KLRG1: variants seen among roughly 807,000 people sequenced by gnomAD.
The protein encoded by KLRG1 is killer cell lectin like receptor G1, also known as killer cell lectin-like receptor subfamily G member 1.
KLRG1 carries 16 observed loss-of-function variants against 21.8 expected under a neutral mutation model. That is an observed-to-expected ratio of 0.73 (90% CI 0.50 to 1.11). The LOEUF (loss-of-function observed/expected upper bound fraction) is 1.11, where lower values mean the gene tolerates loss of function less well. Ranked by LOEUF, KLRG1 falls within the 50% of genes most tolerant of loss-of-function variation. The pLI, the probability that KLRG1 is intolerant of heterozygous loss-of-function variation, is 0.00. For synonymous variants in KLRG1, 69 were observed against 75.9 expected, an observed-to-expected ratio of 0.91 and a Z score of 0.47; for missense variants, 173 against 218.3, an observed-to-expected ratio of 0.79 and a Z score of 1.31.
chr12:9,089,137 A>G, the KLRG1 span: 3 of 1,246,112 alleles, frequency 2.4e-6, no homozygotes, highest in Non-Finnish European at 3.4e-6. Context: ...TAATATATAA[A>G]TGTTCTTTGA....
chr12:9,080,095 C>T, the KLRG1 span: 1 of 1,580,762 alleles, frequency 6.3e-7, no homozygotes, highest in African/African-American at 1.3e-5. Flanking sequence ...GAGACTCACC[C>T]AAAACTGAGA....
At chr12:8,986,772 G>C (rs1946848036), upstream of KLRG1, among the ~76,000 whole-genome samples, 1 of 152,150 alleles carries the variant, frequency 6.6e-6, no homozygotes, top group East Asian at 1.9e-4. Flanking sequence ...TCCAGTGTTG[G>C]AGATGGGGCC....
chr12:9,201,462 A>C, the KLRG1 span: 2 of 779,582 alleles, frequency 2.6e-6, no homozygotes, highest in African/African-American at 1.7e-5. Context: ...TAAATTCAAC[A>C]AGAAACATAA....
the KLRG1 span, among the ~76,000 whole-genome samples, chr12:9,031,692 G>A: frequency 6.6e-6 from 1 of 152,210 alleles, no homozygotes; most frequent in African/African-American, 2.4e-5. Flanking sequence ...GCACAGCTTA[G>A]TTTTATATAT....
the KLRG1 span, chr12:9,154,962 A>G: frequency 2.0e-6 from 2 of 1,024,070 alleles, no homozygotes; most frequent in East Asian, 2.6e-5. Flanking sequence ...AAGGTCTTCT[A>G]TGTCATAAAC....
At chr12:9,096,339 T>C in the KLRG1 span, among the ~76,000 whole-genome samples, 1 of 152,242 alleles carries the variant, frequency 6.6e-6, no homozygotes, top group Non-Finnish European at 1.5e-5. Flanking sequence ...AATCGAGGTC[T>C]GCTGTATTTG....
At chr12:9,188,879 GAC>G in the KLRG1 span, among the ~76,000 whole-genome samples, 2 of 152,090 alleles carry the variant, frequency 1.3e-5, no homozygotes, top group African/African-American at 2.4e-5. Flanking sequence ...AATCAGAGAT[GAC>G]ACAAACAAAT....
At chr12:9,135,179 G>T in the KLRG1 span, 1 of 228,972 alleles carries the variant, frequency 4.4e-6, no homozygotes. Context: ...AACAGCTGCA[G>T]ACCTTCAGCC....
chr12:8,983,108 C>T (rs2137296318), intron 1 of KLRG1, among the ~76,000 whole-genome samples: 1 of 151,594 alleles, frequency 6.6e-6, no homozygotes, highest in South Asian at 2.1e-4. Flanking sequence ...GTTTTACTTT[C>T]TGTTTTTTTT....
At chr12:9,060,033 T>C in the KLRG1 span, among the ~76,000 whole-genome samples, 3 of 129,200 alleles carry the variant, frequency 2.3e-5, no homozygotes, top group African/African-American at 3.1e-5. Context: ...GAGATGGAGT[T>C]TCGCTCTGTC....
the KLRG1 span, among the ~76,000 whole-genome samples, chr12:9,026,514 T>C: frequency 1.3e-5 from 2 of 152,216 alleles, no homozygotes; most frequent in Admixed American, 6.5e-5. Context: ...ATTATTATTA[T>C]TACTATTTTT....
the KLRG1 span, chr12:9,157,837 C>T: frequency 4.3e-6 from 7 of 1,613,076 alleles, no homozygotes; most frequent in Non-Finnish European, 5.9e-6. Context: ...ATCTTCTACA[C>T]CTCCCTGTGA....
the KLRG1 span, chr12:9,149,571 G>A: frequency 3.1e-6 from 5 of 1,612,738 alleles, no homozygotes; most frequent in African/African-American, 5.3e-5. Context: ...CTGTGCTGCA[G>A]GGGGCGATAT....
the KLRG1 span, among the ~76,000 whole-genome samples, chr12:9,138,396 G>A: frequency 6.6e-6 from 1 of 151,742 alleles, no homozygotes; most frequent in South Asian, 2.1e-4. Flanking sequence ...TGTGCTGTTG[G>A]ATTCTATTTC....
the KLRG1 span, among the ~76,000 whole-genome samples, chr12:9,132,247 T>G: frequency 1.3e-5 from 2 of 152,246 alleles, no homozygotes; most frequent in Non-Finnish European, 2.9e-5. Context: ...CTATGGACTT[T>G]CCTATTTGTT....
chr12:9,007,118 G>A (rs887230338), intron 3 of KLRG1, among the ~76,000 whole-genome samples: 1 of 152,166 alleles, frequency 6.6e-6, no homozygotes, highest in South Asian at 2.1e-4. Flanking sequence ...AGCCACCACA[G>A]TCATGTCCTG....
chr12:9,127,975 T>A, the KLRG1 span: 2 of 313,552 alleles, frequency 6.4e-6, no homozygotes, highest in African/African-American at 4.5e-5. Context: ...ACCCGCCGCC[T>A]GGCTGCAGAT....
At chr12:9,107,533 G>A in the KLRG1 span, 4 of 1,613,874 alleles carry the variant, frequency 2.5e-6, no homozygotes, top group Non-Finnish European at 1.7e-6. Context: ...CCTGTCCACT[G>A]AATTTCTCAC....
the KLRG1 span, among the ~76,000 whole-genome samples, chr12:9,018,032 A>G: frequency 1.3e-5 from 2 of 152,236 alleles, no homozygotes; most frequent in African/African-American, 4.8e-5. Context: ...CAAATAAAAT[A>G]AAATTACTAA....
Sources: allele counts gnomAD v4.1 joint callset (sites outside exome capture counted in the v4.1 genomes callset), GRCh38; gene constraint gnomAD v4.1.1; transcripts MANE v1.5; gene names NCBI Gene and HGNC (gene_info 2026-07-23, HGNC 2026-07-21).